The following ZNF676 variants were observed in gnomAD, a reference collection of about 807,000 sequenced individuals.
ZNF676 encodes zinc finger protein 676.
ZNF676 carries 4 observed loss-of-function variants against 6.0 expected under a neutral mutation model. That is an observed-to-expected ratio of 0.67 (90% confidence interval 0.33 to 1.53). The LOEUF (loss-of-function observed/expected upper bound fraction) is 1.53. Among genes scored for constraint, ZNF676 ranks in the 40% most tolerant of loss-of-function variants. The pLI is 0.06. For synonymous variants in ZNF676, 198 were observed against 223.1 expected (o/e 0.89, Z 1.00); for missense variants, 644 against 679.7 (o/e 0.95, Z 0.58).
chr19:22,201,289 A>G (rs762820956), upstream of ZNF676, among the ~76,000 whole-genome samples: 1 of 152,198 alleles, frequency 6.6e-6, no homozygotes, highest in Non-Finnish European at 1.5e-5. Context: ...AGCCTCTCAC[A>G]TAACTGGGGC....
chr19:22,202,073 T>A (rs1239350604), intron 1 of ZNF676, among the ~76,000 whole-genome samples: 1 of 152,092 alleles, frequency 6.6e-6, no homozygotes, highest in Non-Finnish European at 1.5e-5. Flanking sequence ...AAGACCTAGA[T>A]TTAGAATTTG....
chr19:22,188,875 C>T (rs1371985692), intron 2 of ZNF676, among the ~76,000 whole-genome samples: 3 of 152,118 alleles, frequency 2.0e-5, no homozygotes, highest in African/African-American at 4.8e-5. Flanking sequence ...AATGGAAGAA[C>T]ATTCCACGCT....
the ZNF676 span, among the ~76,000 whole-genome samples, chr19:22,255,177 A>T: frequency 1.3e-5 from 2 of 152,158 alleles, no homozygotes; most frequent in African/African-American, 4.8e-5. Context: ...TTGGTCTGAG[A>T]GTCACCAACC....
In ZNF676 at chr19:22,184,825, T is replaced by TG. The variant is rs1365592343; in HGVS notation, c.131-3240dup. On this transcript the variant is annotated intron_variant, in intron 2 of 2. Coordinates refer to ENST00000397121, the MANE Select transcript of ZNF676 (RefSeq NM_001001411.3). Reference sequence around the variant, plus strand: ...TCCTCCTCTTTGGGCAGGGCATCTTTGAAAAAAAAAAAAAAAAAAAAAAAA... The same window carrying TG: ...TCCTCCTCTTTGGGCAGGGCATCTTTGGAAAAAAAAAAAAAAAAAAAAAAAA... 3.2e-4 allele frequency among the ~76,000 whole-genome samples: 18 copies of TG among 55,902 alleles called. No individual in the cohort carries two copies. In the South Asian group the frequency reaches 7.9e-3, roughly 25 times the overall value. The allele number at this position is 55,902 out of a possible 152,430, so 36.7% of individuals were successfully genotyped here.
chr19:22,204,074 G>A (rs1048014383), intron 1 of ZNF676: 1 of 152,126 alleles, frequency 6.6e-6, no homozygotes, highest in Admixed American at 6.5e-5. Flanking sequence ...ATACCTAACT[G>A]GAGAGCTATT....
chr19:22,180,028 A>G lies in ZNF676; in HGVS notation c.1689T>C (p.Cys563=). The change falls in exon 3 of 3, where the codon TGT becomes TGC. Residue 563 remains cysteine (C), a synonymous_variant. Coordinates refer to ENST00000397121, the MANE Select transcript of ZNF676 (RefSeq NM_001001411.3). ...RIHTGEKPYK[C]EECGKAFKSS... Reference sequence around the variant, plus strand: ...ACTTAAAAGCTTTGCCACATTCTTCACATTTGTAGGGTTTCTCTCCAGTAT... The same window carrying G: ...ACTTAAAAGCTTTGCCACATTCTTCGCATTTGTAGGGTTTCTCTCCAGTAT... 2.5e-6 allele frequency: 4 copies of G among 1,613,780 alleles called. No homozygotes were observed. The Admixed American group carries it at 5.0e-5, about 20-fold the overall frequency.
chr19:22,215,932 A>T (rs1417743050), upstream of ZNF676, among the ~76,000 whole-genome samples: 1 of 152,124 alleles, frequency 6.6e-6, no homozygotes, highest in African/African-American at 2.4e-5. Flanking sequence ...GAAGAAAGAG[A>T]GCCAACGTAG....
intron 2 of ZNF676, among the ~76,000 whole-genome samples, chr19:22,182,144 CA>C (rs1398005125): frequency 6.6e-6 from 1 of 151,960 alleles, no homozygotes; most frequent in Non-Finnish European, 1.5e-5. Context: ...ACAGGTGTAC[CA>C]AGTGATTACT....
the ZNF676 span, among the ~76,000 whole-genome samples, chr19:22,253,149 G>A: frequency 0.23 from 35,074 of 151,670 alleles, 4,304 homozygotes; most frequent in South Asian, 0.37. Flanking sequence ...CCTGTGAACC[G>A]AATCCATGTA....
At chr19:22,211,248 G>A (rs911630460) in intron 1 of ZNF676, among the ~76,000 whole-genome samples, 3 of 151,994 alleles carry the variant, frequency 2.0e-5, no homozygotes, top group Non-Finnish European at 2.9e-5. Context: ...GCTTTCCAGG[G>A]CTCTGTAGCT....
chr19:22,202,537 T>A (rs2024036373), intron 1 of ZNF676, among the ~76,000 whole-genome samples: 1 of 152,190 alleles, frequency 6.6e-6, no homozygotes, highest in Admixed American at 6.5e-5. Context: ...TAGACAAGGT[T>A]TGGAAAATAC....
intron 1 of ZNF676, among the ~76,000 whole-genome samples, chr19:22,214,333 G>A (rs538996460): frequency 4.3e-4 from 66 of 152,086 alleles, no homozygotes; most frequent in Non-Finnish European, 8.2e-4. Context: ...AATCTAATTC[G>A]GCCAGGCGTG....
chr19:22,247,751 C>G, the ZNF676 span, among the ~76,000 whole-genome samples: 1 of 152,130 alleles, frequency 6.6e-6, no homozygotes, highest in Non-Finnish European at 1.5e-5. Context: ...TGCCACTGCA[C>G]TTTTTAGATT....
chr19:22,182,024 G>A (rs2023762811), intron 2 of ZNF676, among the ~76,000 whole-genome samples: 1 of 151,172 alleles, frequency 6.6e-6, no homozygotes, highest in African/African-American at 2.4e-5. Context: ...TGTCTCTCAT[G>A]ACATAAAGTG....
At chr19:22,218,572 C>T (rs1292248682), upstream of ZNF676, among the ~76,000 whole-genome samples, 2 of 151,484 alleles carry the variant, frequency 1.3e-5, no homozygotes, top group African/African-American at 2.4e-5. Flanking sequence ...TTTTGAACTC[C>T]TGACCTCGTG....
upstream of ZNF676, among the ~76,000 whole-genome samples, chr19:22,197,479 C>A (rs58626954): frequency 2.7e-5 from 4 of 149,886 alleles, no homozygotes; most frequent in Admixed American, 6.6e-5. Flanking sequence ...TTTTTTTTTT[C>A]AGATCTGGGA....
upstream of ZNF676, chr19:22,215,800 C>CG: frequency 3.5e-6 from 2 of 577,316 alleles, no homozygotes; most frequent in Non-Finnish European, 2.6e-6. Context: ...CGACCTGTCC[C>CG]CCCCCCCAGC....
chr19:22,221,518 A>G, the ZNF676 span, among the ~76,000 whole-genome samples: 1 of 152,140 alleles, frequency 6.6e-6, no homozygotes, highest in South Asian at 2.1e-4. Context: ...TGGGATGCCA[A>G]GGCAGGTGGA....
chr19:22,215,723 A>AGAGGACACACAG, exon 1 of ZNF676: 1 of 1,537,450 alleles, frequency 6.5e-7, no homozygotes, highest in East Asian at 2.3e-5. Context: ...GACTCTAGGA[A>AGAGGACACACAG]CAGTAAGGAC....
Sources: allele counts gnomAD v4.1 joint callset (sites outside exome capture counted in the v4.1 genomes callset), GRCh38; gene constraint gnomAD v4.1.1; transcripts MANE v1.5; gene names NCBI Gene and HGNC (gene_info 2026-07-23, HGNC 2026-07-21).